Variants in PAFAH1B2 observed in about 807,000 individuals in gnomAD.
PAFAH1B2 encodes platelet activating factor acetylhydrolase 1b catalytic subunit 2.
PAFAH1B2 carries 8 observed loss-of-function variants against 28.0 expected under a neutral mutation model. The ratio of observed to expected loss-of-function variants is 0.29; its 90% CI spans 0.17 to 0.52. The LOEUF (loss-of-function observed/expected upper bound fraction) is 0.52, where lower values mean the gene tolerates loss of function less well. Ranked by LOEUF, PAFAH1B2 falls within the 20% of genes least tolerant of loss-of-function variation. PAFAH1B2 has a pLI of 0.97. For synonymous variants in PAFAH1B2, 104 were observed against 103.2 expected, an observed-to-expected ratio of 1.01 and a Z score of -0.05; for missense variants, 190 against 282.6, an observed-to-expected ratio of 0.67 and a Z score of 2.35.
chr11:117,167,701 T>A lies in PAFAH1B2; in HGVS notation c.*2T>A. ...GAGAAACAAACCACCATTGCCTGACTGGCTCTTATCAGTGTTAATAGCATC... is the reference window on the plus strand; with the variant it reads ...GAGAAACAAACCACCATTGCCTGACAGGCTCTTATCAGTGTTAATAGCATC... On this transcript the variant is annotated 3_prime_UTR_variant, in exon 6 of 6. Coordinates refer to ENST00000527958, the MANE Select transcript of PAFAH1B2 (RefSeq NM_002572.4). The A allele has an allele frequency of 6.5e-7, 1 of 1,539,810 alleles. No homozygotes were observed. The highest frequency in any genetic ancestry group is 1.3e-5 in the South Asian group (1 of 77,532).
intron 1 of PAFAH1B2, among the ~76,000 whole-genome samples, chr11:117,150,048 T>G (rs1565261102): frequency 6.6e-6 from 1 of 152,208 alleles, no homozygotes; most frequent in African/African-American, 2.4e-5. Context: ...TTTTATTAAC[T>G]AACATGTAAG....
At chr11:117,173,280 A>G (rs1956712227), downstream of PAFAH1B2, among the ~76,000 whole-genome samples, 2 of 152,152 alleles carry the variant, frequency 1.3e-5, no homozygotes, top group African/African-American at 2.4e-5. Flanking sequence ...AAAGTGACTG[A>G]CCTATCTCTA....
intron 2 of PAFAH1B2, among the ~76,000 whole-genome samples, chr11:117,156,536 A>C (rs1029492362): frequency 6.6e-6 from 1 of 152,196 alleles, no homozygotes; most frequent in African/African-American, 2.4e-5. Context: ...AAAAAAGATG[A>C]GGAGAAAACA....
At chr11:117,166,396 G>A (rs960068006) in intron 5 of PAFAH1B2, among the ~76,000 whole-genome samples, 1 of 152,076 alleles carries the variant, frequency 6.6e-6, no homozygotes, top group Admixed American at 6.6e-5. Flanking sequence ...TTTTAAATTG[G>A]ATATACAAAA....
In PAFAH1B2 at chr11:117,153,365, G is replaced by GT. The variant is rs565675883; in HGVS notation, c.81+841dup. ...TAATTATTGTGTCTGTATCTATTTT[G>GT]TTTTAGTTTTTTTTTTGTTGTTGTT... is the stretch of plus-strand genomic sequence containing the variant. On this transcript the variant is annotated intron_variant, in intron 2 of 5. Coordinates refer to ENST00000527958, the MANE Select transcript of PAFAH1B2 (RefSeq NM_002572.4). 4.4e-4 allele frequency among the ~76,000 whole-genome samples: 39 copies of GT among 88,136 alleles called. No homozygotes were observed. In the Admixed American group the frequency reaches 4.4e-3, roughly 10 times the overall value. The allele number at this position is 88,136 out of a possible 152,430, so 57.8% of individuals were successfully genotyped here. A position where few individuals can be genotyped will look rare whatever the true frequency, so the allele number is the denominator to read the frequency against.
rs558484730 is a variant in PAFAH1B2, at chr11:117,163,622, G to A, written c.289-148G>A. On this transcript the variant is annotated intron_variant, in intron 4 of 5. Transcript: ENST00000527958. The stretch of plus-strand genomic sequence containing the variant: ...TGGGAGGCGGAGGTTGCAGTGAGCC[G>A]AAATGGTGCCACTGCACTCCAGTCT... The A allele has an allele frequency of 2.0e-5, 15 of 737,658 alleles. 1 individual carries two copies. The Middle Eastern group carries it at 2.1e-3, about 105-fold the overall frequency. 45.7% of individuals were successfully genotyped at this position (737,658 alleles called of 1,614,324 possible). A position where few individuals can be genotyped will look rare whatever the true frequency, so the allele number is the denominator to read the frequency against.
chr11:117,148,801 TGAAA>T (rs1403800458), intron 1 of PAFAH1B2, among the ~76,000 whole-genome samples: 2 of 152,120 alleles, frequency 1.3e-5, no homozygotes, highest in Non-Finnish European at 2.9e-5. Flanking sequence ...TCATTGGTCT[TGAAA>T]GAGTGTGTGT....
chr11:117,152,299 T>C, intron 1 of PAFAH1B2, 142 bp from the exon 2 acceptor site: 1 of 613,288 alleles, frequency 1.6e-6, no homozygotes, highest in Non-Finnish European at 2.9e-6. Flanking sequence ...AGAAAGTAAT[T>C]GTTTCTGTTT....
intron 2 of PAFAH1B2, among the ~76,000 whole-genome samples, chr11:117,156,884 G>A (rs1286418961): frequency 6.6e-6 from 1 of 152,044 alleles, no homozygotes; most frequent in African/African-American, 2.4e-5. Context: ...CGGATATGGT[G>A]AAATGCGCCT....
downstream of PAFAH1B2, among the ~76,000 whole-genome samples, chr11:117,171,203 C>A (rs1431099398): frequency 2.0e-5 from 3 of 152,110 alleles, no homozygotes; most frequent in Non-Finnish European, 4.4e-5. Context: ...CACTTACCTT[C>A]TCGGGCATGT....
At chr11:117,148,384 T>C (rs1956065911) in intron 1 of PAFAH1B2, among the ~76,000 whole-genome samples, 1 of 152,100 alleles carries the variant, frequency 6.6e-6, no homozygotes, top group East Asian at 1.9e-4. Context: ...CAGAACATAA[T>C]ATCATTTGCT....
chr11:117,173,497 CT>C (rs1046052992), downstream of PAFAH1B2, among the ~76,000 whole-genome samples: 3 of 151,792 alleles, frequency 2.0e-5, no homozygotes, highest in Admixed American at 6.6e-5. Flanking sequence ...CACTGTAGAA[CT>C]TTTTTTTTCT....
chr11:117,146,719 G>A (rs919254015), intron 1 of PAFAH1B2, among the ~76,000 whole-genome samples: 9 of 151,900 alleles, frequency 5.9e-5, no homozygotes, highest in African/African-American at 9.7e-5. Context: ...AAACACAGCC[G>A]GCTGGGTGCT....
In PAFAH1B2 at chr11:117,167,603, A is replaced by C; in HGVS notation, c.594A>C (p.Thr198=). The change falls in exon 6 of 6, where the codon ACA becomes ACC. Residue 198 remains threonine, a synonymous_variant. Transcript: ENST00000527958. The stretch of plus-strand genomic sequence containing the variant: ...ACATGTTTGATTTTCTGCATCTGAC[A>C]GGAGGGGGCTATGCAAAGATCTGCA... ...CHDMFDFLHL[T]GGGYAKICKP... is the part of the protein sequence containing the mutation. 1 of 1,612,642 alleles carries C rather than the reference A, an allele frequency of 6.2e-7. No homozygotes were observed. Among genetic ancestry groups the C allele is most frequent in the Non-Finnish European group, 8.5e-7 (1 of 1,179,052 alleles).
chr11:117,176,023 GA>G (rs779569941), downstream of PAFAH1B2: 4 of 1,061,832 alleles, frequency 3.8e-6, no homozygotes, highest in African/African-American at 6.3e-5. Context: ...TCATGATGAA[GA>G]AACCTCTTTT....
rs1390754848 is a variant in PAFAH1B2, at chr11:117,161,145, A to G, written c.172A>G (p.Ile58Val). Residue 58 changes from isoleucine (I) to valine (V), a missense_variant and splice_region_variant, in exon 4 of 6, where the codon ATA becomes GTA. Ile to Val is a conservative substitution (Grantham distance 29, BLOSUM62 3). Transcript: ENST00000527958. ...SMVQLMQQYE[I>V]WRELFSPLHA... Reference sequence around the variant, plus strand: ...CTAAATCAAGTTTTTCTTTTTTTAGATATGGCGAGAGCTTTTTTCCCCACT... The same window carrying G: ...CTAAATCAAGTTTTTCTTTTTTTAGGTATGGCGAGAGCTTTTTTCCCCACT... The G allele has an allele frequency of 4.4e-6, 7 of 1,577,396 alleles. No homozygotes were observed. Among genetic ancestry groups the G allele is most frequent in the Non-Finnish European group, 5.1e-6 (6 of 1,166,014 alleles).
rs956410428 is a variant in PAFAH1B2 at position 117,144,295 on chromosome 11, T to A, written c.-131T>A. The A allele has an allele frequency of 2.6e-6, 1 of 378,332 alleles. No homozygotes were observed. The highest frequency in any genetic ancestry group is 1.1e-4 in the East Asian group (1 of 9,282). The allele number at this position is 378,332 out of a possible 1,614,324, so 23.4% of individuals were successfully genotyped here. ...GCAGGGGAACCGGAAGTGGAGGAGC[T>A]GCTGCTGGTGCTGGGGCCGGAGGAG... is the stretch of plus-strand genomic sequence containing the variant. On this transcript the variant is annotated 5_prime_UTR_variant, in exon 1 of 6. Coordinates refer to ENST00000527958, the MANE Select transcript of PAFAH1B2 (RefSeq NM_002572.4).
At chr11:117,150,635 T>A (rs1956127176) in intron 1 of PAFAH1B2, among the ~76,000 whole-genome samples, 1 of 152,166 alleles carries the variant, frequency 6.6e-6, no homozygotes, top group East Asian at 1.9e-4. Context: ...GCTTTGGCAA[T>A]GTAGTGTGTT....
In PAFAH1B2 at chr11:117,168,089, A is replaced by G. The variant is rs1956553651; in HGVS notation, c.*390A>G. 1 of 1,056,660 alleles carries G rather than the reference A, an allele frequency of 9.5e-7. No individual in the cohort carries two copies. The highest frequency in any genetic ancestry group is 5.4e-5 in the Admixed American group (1 of 18,574). The allele number at this position is 1,056,660 out of a possible 1,614,324, so 65.5% of individuals were successfully genotyped here. ...ATATAATAATTATCAGAATCATTCTACTTGGCTTTAAAACATGTTTTCTCC... is the reference window on the plus strand; with the variant it reads ...ATATAATAATTATCAGAATCATTCTGCTTGGCTTTAAAACATGTTTTCTCC... On this transcript the variant is annotated 3_prime_UTR_variant, in exon 6 of 6. Transcript: ENST00000527958.
Sources: allele counts gnomAD v4.1 joint callset (sites outside exome capture counted in the v4.1 genomes callset), GRCh38; gene constraint gnomAD v4.1.1; transcripts MANE v1.5; gene names NCBI Gene and HGNC (gene_info 2026-07-23, HGNC 2026-07-21).